Variants in SLCO4C1 observed in about 807,000 individuals in gnomAD.
The protein encoded by SLCO4C1 is organic anion transporter M1.
A neutral mutation model predicts 72.1 loss-of-function variants in SLCO4C1; 58 were observed. The observed-to-expected ratio is 0.80, with a 90% confidence interval of 0.65 to 1.00. SLCO4C1 has a LOEUF of 1.00. SLCO4C1 is among the 50% of genes least tolerant of loss of function. SLCO4C1 has a pLI of 0.00. For synonymous variants in SLCO4C1, 297 were observed against 312.5 expected, an observed-to-expected ratio of 0.95 and a Z score of 0.52; for missense variants, 898 against 857.9, an observed-to-expected ratio of 1.05 and a Z score of -0.58.
At chr5:102,271,831 G>A (rs1350790932) in intron 2 of SLCO4C1, among the ~76,000 whole-genome samples, 1 of 151,984 alleles carries the variant, frequency 6.6e-6, no homozygotes, top group Non-Finnish European at 1.5e-5. Context: ...TATAAGATAG[G>A]TGGATAAACA....
chr5:102,278,049 T>G (rs1380667549), intron 2 of SLCO4C1, among the ~76,000 whole-genome samples: 2 of 151,978 alleles, frequency 1.3e-5, no homozygotes, highest in African/African-American at 4.8e-5. Context: ...GGTCTGAATA[T>G]TACAATTAAA....
chr5:102,241,796 AGAGG>A (rs1461680226), intron 10 of SLCO4C1, among the ~76,000 whole-genome samples: 1 of 152,214 alleles, frequency 6.6e-6, no homozygotes, highest in East Asian at 1.9e-4. Context: ...TAAAACAGCC[AGAGG>A]GTGGAACAAG....
At chr5:102,258,185 A>C in intron 6 of SLCO4C1, 98 bp from the exon 7 acceptor site, 1 of 979,924 alleles carries the variant, frequency 1.0e-6, no homozygotes, top group Admixed American at 3.3e-5. Flanking sequence ...AAATTTTACA[A>C]TCATCTGTAA....
intron 3 of SLCO4C1, among the ~76,000 whole-genome samples, chr5:102,264,734 C>A (rs1477893412): frequency 6.6e-6 from 1 of 152,020 alleles, no homozygotes; most frequent in African/African-American, 2.4e-5. Context: ...TTTCTCCTAA[C>A]TGTAGTTTTC....
In SLCO4C1 at chr5:102,296,132, G is replaced by C. The variant is rs765206176; in HGVS notation, c.131C>G (p.Ser44Cys). 1 of 1,614,182 alleles carries C rather than the reference G, an allele frequency of 6.2e-7. No homozygotes were observed. The highest frequency in any genetic ancestry group is 1.1e-5 in the South Asian group (1 of 91,090). Residue 44 changes from serine to cysteine, a missense_variant, in exon 1 of 13, where the codon TCT becomes TGT. Coordinates refer to ENST00000310954, the MANE Select transcript of SLCO4C1 (RefSeq NM_180991.5). Reference protein sequence around the residue: ...ALSSDPQRENSQPQELQKPQE... With the variant: ...ALSSDPQRENCQPQELQKPQE... ...GGGCTTCTGAAGCTCCTGTGGCTGA[G>C]AATTCTCTCTTTGGGGGTCAGAGGA...
At chr5:102,283,940 C>G (rs1012357338) in intron 2 of SLCO4C1, among the ~76,000 whole-genome samples, 13 of 151,916 alleles carry the variant, frequency 8.6e-5, no homozygotes, top group Admixed American at 2.0e-4. Flanking sequence ...AGACAAAAAC[C>G]AAAAGTAGAA....
intron 1 of SLCO4C1, among the ~76,000 whole-genome samples, chr5:102,294,675 A>G (rs1253634081): frequency 6.6e-6 from 1 of 152,208 alleles, no homozygotes; most frequent in Non-Finnish European, 1.5e-5. Context: ...TGGTAGGGAC[A>G]AGAAAAGTGG....
At chr5:102,272,883 G>A (rs1749178787) in intron 2 of SLCO4C1, among the ~76,000 whole-genome samples, 1 of 152,044 alleles carries the variant, frequency 6.6e-6, no homozygotes, top group Non-Finnish European at 1.5e-5. Context: ...TGGAACCCGG[G>A]AGGAGGAGGT....
intron 8 of SLCO4C1, among the ~76,000 whole-genome samples, chr5:102,252,515 G>A (rs749387038): frequency 2.6e-5 from 4 of 152,154 alleles, no homozygotes; most frequent in Non-Finnish European, 4.4e-5. Flanking sequence ...CAGAGTGTCC[G>A]CTCACAGAGC....
chr5:102,268,666 G>A lies in SLCO4C1; in HGVS notation c.802+1958C>T, dbSNP rs561941225. Among the ~76,000 whole-genome samples the A allele has an allele frequency of 1.1e-4, 17 of 151,806 alleles. No individual in the cohort carries two copies. The East Asian group carries it at 2.3e-3, about 21-fold the overall frequency. On this transcript the variant is annotated intron_variant, in intron 3 of 12. Transcript: ENST00000310954. ...TCCTTTGTTCATTTCTTCCTCTCTC[G>A]TTCATCTTAGTAGTTTGGCAGTTTC...
rs1375392194 is a variant in SLCO4C1 at position 102,236,240 on chromosome 5, TAACA to T, written c.*614_*617del. 2 of 152,320 alleles carry T rather than the reference TAACA, an allele frequency of 1.3e-5. No homozygotes were observed. The highest frequency in any genetic ancestry group is 4.8e-5 in the African/African-American group (2 of 41,456). The allele number at this position is 152,320 out of a possible 1,614,324, so 9.4% of individuals were successfully genotyped here. A position where few individuals can be genotyped will look rare whatever the true frequency, so the allele number is the denominator to read the frequency against. On this transcript the variant is annotated 3_prime_UTR_variant, in exon 13 of 13. Coordinates refer to ENST00000310954, the MANE Select transcript of SLCO4C1 (RefSeq NM_180991.5). ...TATACTAAGACACAAGGATGATAAC[TAACA>T]TATTCTAATAGTTCAATAATTTGCT...
At chr5:102,249,056 C>A (rs1320548622) in intron 9 of SLCO4C1, among the ~76,000 whole-genome samples, 2 of 152,106 alleles carry the variant, frequency 1.3e-5, no homozygotes, top group African/African-American at 4.8e-5. Flanking sequence ...TACTAAGTTT[C>A]TATTATATAA....
intron 2 of SLCO4C1, among the ~76,000 whole-genome samples, chr5:102,278,047 T>C (rs775255452): frequency 5.3e-5 from 8 of 152,044 alleles, no homozygotes; most frequent in Non-Finnish European, 1.0e-4. Context: ...ATGGTCTGAA[T>C]ATTACAATTA....
At chr5:102,237,763 A>G (rs1748466666) in intron 12 of SLCO4C1, among the ~76,000 whole-genome samples, 1 of 152,218 alleles carries the variant, frequency 6.6e-6, no homozygotes, top group Non-Finnish European at 1.5e-5. Context: ...ATAATTCTAA[A>G]AATTAAAAAG....
At chr5:102,271,254 A>G (rs1749147930) in intron 2 of SLCO4C1, among the ~76,000 whole-genome samples, 1 of 151,906 alleles carries the variant, frequency 6.6e-6, no homozygotes, top group Non-Finnish European at 1.5e-5. Flanking sequence ...TCACTGTCAT[A>G]ATATTCTATA....
chr5:102,246,753 A>G (rs1748642614), intron 10 of SLCO4C1, among the ~76,000 whole-genome samples: 1 of 152,184 alleles, frequency 6.6e-6, no homozygotes, highest in Non-Finnish European at 1.5e-5. Flanking sequence ...GAAATGTACA[A>G]GTATGGAATG....
intron 1 of SLCO4C1, among the ~76,000 whole-genome samples, chr5:102,294,909 T>C (rs1360288103): frequency 6.6e-6 from 1 of 152,224 alleles, no homozygotes; most frequent in Non-Finnish European, 1.5e-5. Flanking sequence ...TTTCTAAGGT[T>C]GTATTTCTTC....
chr5:102,289,214 A>G (rs1443222128), intron 2 of SLCO4C1, among the ~76,000 whole-genome samples: 1 of 152,218 alleles, frequency 6.6e-6, no homozygotes, highest in Non-Finnish European at 1.5e-5. Flanking sequence ...TGCACAGTAC[A>G]CTACTAAAAG....
At chr5:102,239,509 T>G in intron 11 of SLCO4C1, 121 bp from the exon 12 acceptor site, 1 of 612,906 alleles carries the variant, frequency 1.6e-6, no homozygotes, top group African/African-American at 1.9e-5. Context: ...TCTGTCCACA[T>G]GCAAATTAAT....
Sources: gnomAD v4.1 joint callset for allele counts (sites outside exome capture counted in the v4.1 genomes callset) on GRCh38, gnomAD v4.1.1 for gene constraint, MANE v1.5 for transcripts, NCBI Gene and HGNC (gene_info 2026-07-23, HGNC 2026-07-21) for gene names.